The following JAML variants were observed in gnomAD, a reference collection of about 807,000 sequenced individuals.
JAML encodes junction adhesion molecule like.
In JAML, 25 loss-of-function variants were observed where a neutral mutation model predicts 39.3. The ratio of observed to expected loss-of-function variants is 0.64; its 90% CI spans 0.46 to 0.89. JAML has a LOEUF of 0.89. JAML is among the 40% of genes least tolerant of loss of function. The probability of loss-of-function intolerance (pLI) is 0.00; values close to 1 mark genes in which losing one functional copy is unlikely to be tolerated. For missense variants in JAML, 440 were observed against 486.9 expected (o/e 0.90, Z 0.91); for synonymous variants, 162 against 179.2 (o/e 0.90, Z 0.77).
intron 5 of JAML, 72 bp downstream of exon 5, chr11:118,205,810 C>A: frequency 7.1e-7 from 1 of 1,407,874 alleles, no homozygotes; most frequent in Non-Finnish European, 1.0e-6. Flanking sequence ...TCCTCATGTG[C>A]CTGATTCTAC....
rs1185846504 is a variant in JAML, at chr11:118,194,321, C to G, written c.*4G>C. ...TGCTGAGATGAAGGGACTCTCCATT[C>G]TTCTCAAAAGGCTTGCTGTGTTTTT... On this transcript the variant is annotated 3_prime_UTR_variant, in exon 10 of 10. Coordinates refer to ENST00000356289, the MANE Select transcript of JAML (RefSeq NM_001098526.2). 1.9e-6 allele frequency: 3 copies of G among 1,612,334 alleles called. No individual in the cohort carries two copies. Among genetic ancestry groups the G allele is most frequent in the Non-Finnish European group, 2.5e-6 (3 of 1,178,530 alleles).
At chr11:118,225,008 AACTGAAAG>A (rs1949249243) in exon 1 of JAML, 5 of 152,378 alleles carry the variant, frequency 3.3e-5, 1 homozygote, top group South Asian at 1.0e-3. Flanking sequence ...CCCCAAGCTC[AACTGAAAG>A]ACTGCTGCGA....
At chr11:118,211,106 G>A (rs963020566) in intron 3 of JAML, among the ~76,000 whole-genome samples, 1 of 152,236 alleles carries the variant, frequency 6.6e-6, no homozygotes, top group Non-Finnish European at 1.5e-5. Flanking sequence ...TGCTGTGGGT[G>A]GTGTTGGCGT....
At chr11:118,210,427 T>A in intron 4 of JAML, 60 bp downstream of exon 4, 1 of 1,546,250 alleles carries the variant, frequency 6.5e-7, no homozygotes, top group Non-Finnish European at 8.9e-7. Context: ...TCAGTTTCCT[T>A]GCCTCTTGCA....
At chr11:118,223,094 CA>C (rs56175225) in intron 1 of JAML, among the ~76,000 whole-genome samples, 1,747 of 93,112 alleles carry the variant, frequency 0.019, 23 homozygotes, top group South Asian at 0.068. Context: ...GACTCTGTCT[CA>C]AAAAAAAAAA....
intron 1 of JAML, among the ~76,000 whole-genome samples, chr11:118,216,863 T>G (rs149858841): frequency 1.6e-3 from 251 of 152,296 alleles, no homozygotes; most frequent in Admixed American, 2.4e-3. Context: ...TCTCTCAACA[T>G]AAGCAAAACC....
chr11:118,205,961 T>G lies in JAML; in HGVS notation c.455A>C (p.Gln152Pro). ...ELMVHVGGLIQMGCVFQSTEV... is the reference protein window; with the variant it reads ...ELMVHVGGLIPMGCVFQSTEV... ...TGTGCTCTGGAAAACACATCCCATC[T>G]GAATCAATCCACCCACATGGACCAT... is the stretch of plus-strand genomic sequence containing the variant. Residue 152 changes from glutamine to proline, a missense_variant, in exon 5 of 10, where the codon CAG (glutamine) becomes CCG (proline). Gln to Pro is a moderately conservative substitution (Grantham distance 76). Coordinates refer to ENST00000356289, the MANE Select transcript of JAML (RefSeq NM_001098526.2). 1 of 1,614,120 alleles carries G rather than the reference T, an allele frequency of 6.2e-7. No individual in the cohort carries two copies. The highest frequency in any genetic ancestry group is 2.2e-5 in the East Asian group (1 of 44,882).
At chr11:118,206,475 A>G (rs1948917969) in intron 4 of JAML, among the ~76,000 whole-genome samples, 1 of 152,224 alleles carries the variant, frequency 6.6e-6, no homozygotes, top group African/African-American at 2.4e-5. Flanking sequence ...GGAAAGTTAT[A>G]GAACTCTCAT....
intron 1 of JAML, among the ~76,000 whole-genome samples, chr11:118,224,252 C>A (rs544214114): frequency 1.8e-4 from 28 of 152,210 alleles, no homozygotes; most frequent in Non-Finnish European, 2.9e-5. Flanking sequence ...CTTACTCCTG[C>A]TCTCTTCTCC....
intron 4 of JAML, 82 bp from the exon 5 acceptor site, chr11:118,206,073 G>T: frequency 8.0e-7 from 1 of 1,251,992 alleles, no homozygotes; most frequent in Non-Finnish European, 1.2e-6. Flanking sequence ...ATCATGTTTA[G>T]CCAAAGACCC....
At chr11:118,210,266 G>A (rs964701221) in intron 4 of JAML, among the ~76,000 whole-genome samples, 2 of 152,152 alleles carry the variant, frequency 1.3e-5, no homozygotes, top group Admixed American at 6.5e-5. Context: ...TTGTGAGGGG[G>A]AAGTGTGTTT....
intron 9 of JAML, among the ~76,000 whole-genome samples, chr11:118,195,103 G>A (rs1205217069): frequency 6.6e-6 from 1 of 152,152 alleles, no homozygotes; most frequent in Non-Finnish European, 1.5e-5. Context: ...CCTCGGAGAC[G>A]TTCTGCAAAC....
chr11:118,209,512 C>A (rs1184625292), intron 4 of JAML, among the ~76,000 whole-genome samples: 1 of 151,988 alleles, frequency 6.6e-6, no homozygotes, highest in African/African-American at 2.4e-5. Context: ...GAAAGATCTG[C>A]TCCTTTCTTC....
At chr11:118,213,783 G>T (rs901148046) in intron 2 of JAML, among the ~76,000 whole-genome samples, 2 of 152,178 alleles carry the variant, frequency 1.3e-5, no homozygotes, top group African/African-American at 4.8e-5. Flanking sequence ...AACCCCCAGT[G>T]CCACCAAGTC....
chr11:118,199,241 G>T (rs973476317), intron 7 of JAML, among the ~76,000 whole-genome samples: 2 of 152,194 alleles, frequency 1.3e-5, no homozygotes, highest in African/African-American at 2.4e-5. Context: ...ACATGGAAGT[G>T]CTACCTTTCC....
At chr11:118,212,078 T>C (rs1055848642) in intron 3 of JAML, among the ~76,000 whole-genome samples, 3 of 152,172 alleles carry the variant, frequency 2.0e-5, no homozygotes, top group Non-Finnish European at 4.4e-5. Context: ...CTCAAAGAAT[T>C]TCATGTGCAA....
rs753805823 is a variant in JAML, at chr11:118,200,431, C to CA, written c.911+42dup. On this transcript the variant is annotated intron_variant, in intron 7 of 9. Transcript: ENST00000356289. ...CTACTTTGGGGTAGAGGCAGCCTTG[C>CA]ACCCCCAGCCTCCCAATCCAAGGGG... is the stretch of plus-strand genomic sequence containing the variant. 1.0e-3 allele frequency: 1,622 copies of CA among 1,608,488 alleles called. 5 individuals carry two copies. The highest frequency in any genetic ancestry group is 1.1e-3 in the Non-Finnish European group (1,300 of 1,175,818).
chr11:118,215,491 A>G (rs1629626), intron 1 of JAML, among the ~76,000 whole-genome samples: 13,892 of 151,240 alleles, frequency 0.092, 2,137 homozygotes, highest in African/African-American at 0.32. Flanking sequence ...CCGAGACTAC[A>G]GGCATGCTAC....
intron 1 of JAML, among the ~76,000 whole-genome samples, chr11:118,221,292 C>T (rs1949207089): frequency 6.6e-6 from 1 of 152,194 alleles, no homozygotes; most frequent in African/African-American, 2.4e-5. Flanking sequence ...AAAAAAACAA[C>T]AGCAGTTATC....
Sources: allele counts gnomAD v4.1 joint callset (sites outside exome capture counted in the v4.1 genomes callset), GRCh38; gene constraint gnomAD v4.1.1; transcripts MANE v1.5; gene names NCBI Gene and HGNC (gene_info 2026-07-23, HGNC 2026-07-21).